CSMD1: variants seen among roughly 807,000 people sequenced by gnomAD.
CSMD1 encodes the protein CUB and sushi domain-containing protein 1.
A neutral mutation model predicts 417.5 loss-of-function variants in CSMD1; 213 were observed. The observed-to-expected ratio is 0.51, with a 90% confidence interval of 0.46 to 0.57. The LOEUF is 0.57. Among genes scored for constraint, CSMD1 ranks in the 20% least tolerant of loss-of-function variants. The pLI, the probability that CSMD1 is intolerant of heterozygous loss-of-function variation, is 0.00. For missense variants in CSMD1, 6,923 were observed against 4,529.7 expected, an observed-to-expected ratio of 1.53 and a Z score of -15.17; for synonymous variants, 2,862 against 1,736.8, an observed-to-expected ratio of 1.65 and a Z score of -16.11.
At chr8:4,703,233 G>A (rs572624879) in intron 1 of CSMD1, among the ~76,000 whole-genome samples, 2 of 152,248 alleles carry the variant, frequency 1.3e-5, no homozygotes, top group African/African-American at 2.4e-5. Context: ...GTAAACCAAC[G>A]GTTCTCAACC....
intron 12 of CSMD1, among the ~76,000 whole-genome samples, chr8:3,464,730 G>T (rs996505466): frequency 2.6e-5 from 4 of 151,948 alleles, no homozygotes; most frequent in African/African-American, 9.7e-5. Context: ...TGAATGGTCA[G>T]TGTTGCTTTA....
At chr8:3,573,390 T>C (rs1309564269) in intron 10 of CSMD1, among the ~76,000 whole-genome samples, 1 of 152,190 alleles carries the variant, frequency 6.6e-6, no homozygotes, top group Non-Finnish European at 1.5e-5. Flanking sequence ...TGTACCACTG[T>C]AGTTGATGTC....
At chr8:4,388,914 C>T (rs974112437) in intron 3 of CSMD1, among the ~76,000 whole-genome samples, 1 of 152,118 alleles carries the variant, frequency 6.6e-6, no homozygotes, top group Non-Finnish European at 1.5e-5. Context: ...GCTATTTGTT[C>T]AAAGTTACTA....
intron 3 of CSMD1, among the ~76,000 whole-genome samples, chr8:4,184,952 A>G (rs904843134): frequency 3.0e-4 from 45 of 151,964 alleles, no homozygotes; most frequent in African/African-American, 8.5e-4. Flanking sequence ...AGCCTCCCCA[A>G]TGTGGTGAAA....
intron 8 of CSMD1, among the ~76,000 whole-genome samples, chr8:3,595,568 G>C (rs141219089): frequency 1.2e-4 from 18 of 152,244 alleles, no homozygotes; most frequent in African/African-American, 4.1e-4. Context: ...GCCCAACAAA[G>C]ATCCCTTAAT....
At chr8:3,591,446 G>C (rs1488905781) in intron 8 of CSMD1, among the ~76,000 whole-genome samples, 5 of 152,126 alleles carry the variant, frequency 3.3e-5, no homozygotes, top group African/African-American at 1.2e-4. Flanking sequence ...TTCTCATAGA[G>C]CATAACTATT....
At chr8:4,374,173 C>G (rs2128914621) in intron 3 of CSMD1, among the ~76,000 whole-genome samples, 1 of 152,246 alleles carries the variant, frequency 6.6e-6, no homozygotes, top group East Asian at 1.9e-4. Flanking sequence ...TTTAGATCCC[C>G]CCTCTGAGTT....
chr8:4,654,141 T>C (rs1804080264), intron 1 of CSMD1, among the ~76,000 whole-genome samples: 1 of 152,162 alleles, frequency 6.6e-6, no homozygotes, highest in East Asian at 1.9e-4. Context: ...TGCTGCAATT[T>C]CTATTTCTCA....
At chr8:4,070,450 C>CCG (rs1314335740) in intron 3 of CSMD1, among the ~76,000 whole-genome samples, 3 of 151,840 alleles carry the variant, frequency 2.0e-5, no homozygotes, top group Non-Finnish European at 2.9e-5. Context: ...CTCCGCCTCC[C>CCG]GGGTTCACAC....
chr8:4,051,223 G>A (rs1260839970), intron 3 of CSMD1, among the ~76,000 whole-genome samples: 1 of 151,156 alleles, frequency 6.6e-6, no homozygotes, highest in Admixed American at 6.6e-5. Context: ...CAGGGACCAG[G>A]CCTGTGGGAA....
chr8:4,240,551 C>G (rs1412858879), intron 3 of CSMD1, among the ~76,000 whole-genome samples: 1 of 152,164 alleles, frequency 6.6e-6, no homozygotes, highest in Non-Finnish European at 1.5e-5. Flanking sequence ...TCTTAGAAGC[C>G]TGTGCCTCCT....
rs536131367 is a variant in CSMD1 at position 3,267,846 on chromosome 8, G to A, written c.4153+16298C>T. Among the ~76,000 whole-genome samples the A allele has an allele frequency of 1.7e-4, 26 of 152,286 alleles. No homozygotes were observed. The East Asian group carries it at 3.7e-3, about 22-fold the overall frequency. On this transcript the variant is annotated intron_variant, in intron 26 of 69. Coordinates refer to ENST00000635120, the MANE Select transcript of CSMD1 (RefSeq NM_033225.6). The stretch of plus-strand genomic sequence containing the variant: ...CAGCTGGGCCAACCATTGACGGGAT[G>A]TGCAGGACCCTGGCAGGGCCATAGG...
At chr8:4,296,639 T>C (rs994652795) in intron 3 of CSMD1, among the ~76,000 whole-genome samples, 2 of 151,128 alleles carry the variant, frequency 1.3e-5, no homozygotes, top group African/African-American at 4.9e-5. Context: ...TAATATTCAC[T>C]ATTAACTCGT....
In CSMD1 at chr8:3,223,805, G is replaced by A. The variant is rs1385587247; in HGVS notation, c.4408C>T (p.Pro1470Ser). Residue 1470 changes from proline to serine, a missense_variant, in exon 28 of 70, where the codon CCG becomes TCG. Transcript: ENST00000635120. ...GVILSPNYPQ[P>S]YPPGKECDWR... Reference sequence around the variant, plus strand: ...TCACATTCCTTCCCAGGAGGATACGGCTGTGGGTAGTTGGGTGACAAAATA... The same window carrying A: ...TCACATTCCTTCCCAGGAGGATACGACTGTGGGTAGTTGGGTGACAAAATA... 7.4e-6 allele frequency: 12 copies of A among 1,613,736 alleles called. No homozygotes were observed. The highest frequency in any genetic ancestry group is 9.3e-6 in the Non-Finnish European group (11 of 1,179,808).
rs374230800 is a variant in CSMD1 at position 4,031,974 on chromosome 8, C to T, written c.541G>A (p.Ala181Thr). 3.2e-5 allele frequency: 51 copies of T among 1,613,906 alleles called. No individual in the cohort carries two copies. Among genetic ancestry groups the T allele is most frequent in the Middle Eastern group, 3.3e-4 (2 of 6,062 alleles). ...GGGCTGACGATGCAGGTCAGGATGG[C>T]GTGGCCTTCCAAGATGTAGCCAGGG... is the stretch of plus-strand genomic sequence containing the variant. ...CLPGYILEGH[A>T]ILTCIVSPGN... is the part of the protein sequence containing the mutation. The change falls in exon 4 of 70, where the codon GCC becomes ACC. Residue 181 changes from alanine to threonine, a missense_variant. Ala to Thr is a moderately conservative substitution (Grantham distance 58). Coordinates refer to ENST00000635120, the MANE Select transcript of CSMD1 (RefSeq NM_033225.6).
chr8:4,948,628 C>A (rs1027300562), intron 1 of CSMD1, among the ~76,000 whole-genome samples: 3 of 151,962 alleles, frequency 2.0e-5, no homozygotes, highest in African/African-American at 7.2e-5. Context: ...ATAAAATTAT[C>A]ACTGAAATAT....
intron 1 of CSMD1, among the ~76,000 whole-genome samples, chr8:4,927,855 C>T (rs1044962646): frequency 6.6e-6 from 1 of 152,126 alleles, no homozygotes; most frequent in Non-Finnish European, 1.5e-5. Context: ...TCAAGATATA[C>T]CCAGAATTCT....
chr8:3,503,282 C>T (rs1796684151), intron 10 of CSMD1, among the ~76,000 whole-genome samples: 1 of 152,200 alleles, frequency 6.6e-6, no homozygotes, highest in African/African-American at 2.4e-5. Context: ...CACATATAAA[C>T]ACTAGGAGTC....
intron 25 of CSMD1, 111 bp downstream of exon 25, chr8:3,307,584 C>A: frequency 8.0e-7 from 1 of 1,253,892 alleles, no homozygotes; most frequent in Non-Finnish European, 1.1e-6. Context: ...ACCTTTTCTT[C>A]TTTAGTTCAG....
Sources: gnomAD v4.1 joint callset for allele counts (sites outside exome capture counted in the v4.1 genomes callset) on GRCh38, gnomAD v4.1.1 for gene constraint, MANE v1.5 for transcripts, NCBI Gene and HGNC (gene_info 2026-07-23, HGNC 2026-07-21) for gene names.